The following ASB11 variants were observed in gnomAD, a reference collection of about 807,000 sequenced individuals.
ASB11 encodes the protein ankyrin repeat and SOCS box protein 11.
Under a neutral mutation model 20.1 loss-of-function variants are expected in ASB11, and 17 were observed. That is an observed-to-expected ratio of 0.85 (90% CI 0.58 to 1.27). The LOEUF is 1.27. Ranked by LOEUF, ASB11 falls within the 50% of genes most tolerant of loss-of-function variation. ASB11 has a pLI of 0.00. For missense variants in ASB11, 259 were observed against 256.9 expected (o/e 1.01, Z -0.06); for synonymous variants, 107 against 105.6 (o/e 1.01, Z -0.08).
chrX:15,313,927 C>G (rs1283947931), intron 1 of ASB11, among the ~76,000 whole-genome samples: 1 of 109,922 alleles, frequency 9.1e-6, no homozygotes, highest in Non-Finnish European at 1.9e-5. Context: ...TGGCGTGTGC[C>G]TGTAATCCCA....
intron 3 of ASB11, among the ~76,000 whole-genome samples, chrX:15,296,914 ACTCCCAT>A (rs1920969812): frequency 8.9e-6 from 1 of 112,233 alleles, no homozygotes; most frequent in African/African-American, 3.2e-5. Context: ...AGATATCTGC[ACTCCCAT>A]GTCTGATGCA....
chrX:15,310,997 A>G (rs1317025220), intron 1 of ASB11, among the ~76,000 whole-genome samples: 1 of 112,442 alleles, frequency 8.9e-6, no homozygotes, highest in East Asian at 2.8e-4. Flanking sequence ...CAAAAAATAA[A>G]AAATAAAATC....
chrX:15,292,356 A>C (rs1299963286), intron 4 of ASB11, among the ~76,000 whole-genome samples: 1 of 111,977 alleles, frequency 8.9e-6, no homozygotes, highest in Non-Finnish European at 1.9e-5. Context: ...GAGTGTTTTA[A>C]CTTCACCATT....
chrX:15,314,220 C>T (rs896566896), intron 1 of ASB11: 39 of 813,402 alleles, frequency 4.8e-5, no homozygotes, highest in Non-Finnish European at 6.1e-5. Flanking sequence ...TCTATGAGAA[C>T]ACCAAAACTA....
At chrX:15,287,173 C>CT (rs1235383687) in intron 6 of ASB11, among the ~76,000 whole-genome samples, 1 of 112,160 alleles carries the variant, frequency 8.9e-6, no homozygotes. Flanking sequence ...CTGAAATACT[C>CT]TGTGTCCTCC....
At chrX:15,308,902 G>A (rs1174833282) in intron 1 of ASB11, among the ~76,000 whole-genome samples, 1 of 111,131 alleles carries the variant, frequency 9.0e-6, no homozygotes, top group Non-Finnish European at 1.9e-5. Flanking sequence ...CAGCAGGTGA[G>A]CAAGTGAAGC....
intron 1 of ASB11, among the ~76,000 whole-genome samples, chrX:15,310,630 CTG>C (rs1168485702): frequency 8.9e-6 from 1 of 112,516 alleles, no homozygotes; most frequent in African/African-American, 3.2e-5. Context: ...AACGATTAAA[CTG>C]TTTTTGTAAT....
intron 2 of ASB11, among the ~76,000 whole-genome samples, chrX:15,298,981 A>G (rs1303470539): frequency 2.7e-5 from 3 of 110,979 alleles, no homozygotes; most frequent in South Asian, 3.8e-4. Flanking sequence ...CTCCCTCCCC[A>G]TACTACCATG....
chrX:15,297,503 G>A (rs775201678), intron 3 of ASB11, 71 bp downstream of exon 3: 50 of 915,552 alleles, frequency 5.5e-5, no homozygotes, highest in Non-Finnish European at 7.5e-5. Context: ...CCATCTGGAA[G>A]GTAAACTATC....
chrX:15,288,111 A>G lies in ASB11; in HGVS notation c.656-39T>C, dbSNP rs200705921. On this transcript the variant is annotated intron_variant, in intron 5 of 6. Coordinates refer to ENST00000480796, the MANE Select transcript of ASB11 (RefSeq NM_080873.3). ...ATGGCCACAATTCAACACTAAATGTAATGTAAAGCACAATGAGCTTCAAAT... is the reference window on the plus strand; with the variant it reads ...ATGGCCACAATTCAACACTAAATGTGATGTAAAGCACAATGAGCTTCAAAT... The G allele has an allele frequency of 1.9e-4, 218 of 1,142,585 alleles. 1 individual carries two copies. Among genetic ancestry groups the G allele is most frequent in the Admixed American group, 1.2e-4 (5 of 41,485 alleles). 94.2% of individuals were successfully genotyped at this position (1,142,585 alleles called of 1,213,427 possible).
At chrX:15,312,507 C>CAAA (rs66828848) in intron 1 of ASB11, among the ~76,000 whole-genome samples, 1 of 61,846 alleles carries the variant, frequency 1.6e-5, no homozygotes, top group Non-Finnish European at 3.0e-5. Flanking sequence ...ATGCAGCTTC[C>CAAA]AAAAAAAAAA....
At chrX:15,284,831 C>T (rs1927328728) in intron 6 of ASB11, among the ~76,000 whole-genome samples, 1 of 112,079 alleles carries the variant, frequency 8.9e-6, no homozygotes, top group African/African-American at 3.2e-5. Context: ...CTGGTCTACA[C>T]AAAGTTTTCC....
At chrX:15,305,637 A>ATAGG (rs1921219685) in intron 1 of ASB11, among the ~76,000 whole-genome samples, 1 of 111,634 alleles carries the variant, frequency 9.0e-6, no homozygotes, top group African/African-American at 3.3e-5. Flanking sequence ...AGATAGATAG[A>ATAGG]TAGAATCACT....
rs770804405 is a variant in ASB11, at chrX:15,315,537, GA to G, written c.68del (p.Phe23SerfsTer5). Reference protein sequence around the residue: ...IFITMFATFFFFKLLIKVFLA... With the variant: ...IFITMFATFFXFKLLIKVFLA... ...AAAAAACTTTAATTAAAAGCTTAAA[GA>G]AAAAAAACGTAGCAAACATTGTAAT... On this transcript the variant is annotated frameshift_variant, in exon 1 of 7. Coordinates refer to ENST00000480796, the MANE Select transcript of ASB11 (RefSeq NM_080873.3). LOFTEE classifies it high-confidence loss of function. 4.2e-6 allele frequency: 5 copies of G among 1,186,002 alleles called. No individual in the cohort carries two copies. The highest frequency in any genetic ancestry group is 3.0e-5 in the East Asian group (1 of 33,228).
At chrX:15,301,623 T>G (rs1921072543) in intron 2 of ASB11, among the ~76,000 whole-genome samples, 1 of 111,888 alleles carries the variant, frequency 8.9e-6, no homozygotes, top group Non-Finnish European at 1.9e-5. Context: ...TGCCTAGTTG[T>G]GGAAGAAAGA....
At chrX:15,302,657 A>G in intron 2 of ASB11, 71 bp downstream of exon 2, 1 of 1,070,446 alleles carries the variant, frequency 9.3e-7, no homozygotes, top group Non-Finnish European at 1.3e-6. Flanking sequence ...CCTCTGCTAC[A>G]GCCAAAGCTA....
At chrX:15,293,142 T>G (rs1174451299) in intron 4 of ASB11, 28 bp downstream of exon 4, 16 of 1,196,918 alleles carry the variant, frequency 1.3e-5, no homozygotes, top group Non-Finnish European at 1.8e-5. Context: ...CCATCAATGT[T>G]TCACATGCAT....
chrX:15,298,405 C>T (rs1250239346), intron 2 of ASB11, among the ~76,000 whole-genome samples: 1 of 110,813 alleles, frequency 9.0e-6, no homozygotes, highest in Non-Finnish European at 1.9e-5. Flanking sequence ...CAGAAAGAAC[C>T]CACAGAAAGT....
At chrX:15,307,557 A>C (rs1364766299) in intron 1 of ASB11, among the ~76,000 whole-genome samples, 1 of 112,352 alleles carries the variant, frequency 8.9e-6, no homozygotes, top group African/African-American at 3.2e-5. Flanking sequence ...GAGCTCAAGC[A>C]GTAATGTCCC....
Sources: gnomAD v4.1 joint callset for allele counts (sites outside exome capture counted in the v4.1 genomes callset) on GRCh38, gnomAD v4.1.1 for gene constraint, MANE v1.5 for transcripts, NCBI Gene and HGNC (gene_info 2026-07-23, HGNC 2026-07-21) for gene names.